Variants in SGCZ observed in about 807,000 individuals in gnomAD.
The protein encoded by SGCZ is zeta-sarcoglycan.
In SGCZ, 40 loss-of-function variants were observed where a neutral mutation model predicts 41.3. The ratio of observed to expected loss-of-function variants is 0.97; its 90% CI spans 0.75 to 1.26. The LOEUF is 1.26. Ranked by LOEUF, SGCZ falls within the 50% of genes most tolerant of loss-of-function variation. The pLI is 0.00. For synonymous variants in SGCZ, 206 were observed against 137.5 expected (o/e 1.50, Z -3.49); for missense variants, 552 against 369.8 (o/e 1.49, Z -4.04).
chr8:14,260,254 AAAAC>A (rs1234317181), intron 3 of SGCZ, among the ~76,000 whole-genome samples: 2 of 152,028 alleles, frequency 1.3e-5, no homozygotes, highest in African/African-American at 4.8e-5. Flanking sequence ...TTACAAGCAA[AAAAC>A]AAACAACCCC....
chr8:14,184,917 A>C (rs1804854399), intron 4 of SGCZ, among the ~76,000 whole-genome samples: 1 of 152,098 alleles, frequency 6.6e-6, no homozygotes, highest in Non-Finnish European at 1.5e-5. Context: ...GCACCACAAC[A>C]CTTATGATTG....
chr8:14,697,354 G>A (rs1320096390), intron 1 of SGCZ, among the ~76,000 whole-genome samples: 1 of 151,960 alleles, frequency 6.6e-6, no homozygotes, highest in East Asian at 1.9e-4. Context: ...TTAGATTGTT[G>A]AGGGGATTAA....
At chr8:14,185,465 T>A (rs552884735) in intron 4 of SGCZ, among the ~76,000 whole-genome samples, 1 of 152,252 alleles carries the variant, frequency 6.6e-6, no homozygotes, top group Admixed American at 6.5e-5. Context: ...ATTACTCAGC[T>A]TCAATTGATC....
intron 1 of SGCZ, among the ~76,000 whole-genome samples, chr8:14,772,841 G>C (rs1363630495): frequency 1.3e-5 from 2 of 151,972 alleles, no homozygotes; most frequent in South Asian, 2.1e-4. Context: ...TGGACATTTG[G>C]GTTGGTTCCA....
chr8:14,252,088 G>A lies in SGCZ; in HGVS notation c.337-14409C>T, dbSNP rs368433156. On this transcript the variant is annotated intron_variant, in intron 3 of 7. Transcript: ENST00000382080. ...TAGGGCCTCTTCTTCATTCTTTACAGTCTCCCCATATGGAATTCACATTAG... is the reference window on the plus strand; with the variant it reads ...TAGGGCCTCTTCTTCATTCTTTACAATCTCCCCATATGGAATTCACATTAG... Among the ~76,000 whole-genome samples, 9 of 152,102 alleles carry A rather than the reference G, an allele frequency of 5.9e-5. No homozygotes were observed. In the East Asian group the frequency reaches 9.7e-4, roughly 16 times the overall value.
intron 1 of SGCZ, among the ~76,000 whole-genome samples, chr8:14,559,191 T>A (rs890154435): frequency 6.6e-6 from 1 of 152,040 alleles, no homozygotes; most frequent in Admixed American, 6.6e-5. Context: ...AGTCAAACTG[T>A]CACTGTTTGC....
At chr8:14,385,026 A>G (rs1269252504) in intron 2 of SGCZ, among the ~76,000 whole-genome samples, 3 of 152,202 alleles carry the variant, frequency 2.0e-5, no homozygotes. Flanking sequence ...AATATATCCC[A>G]TAGTTTTCAT....
chr8:14,804,680 C>T (rs928381804), intron 1 of SGCZ, among the ~76,000 whole-genome samples: 4 of 135,034 alleles, frequency 3.0e-5, no homozygotes, highest in African/African-American at 1.1e-4. Flanking sequence ...GGAGAACTTC[C>T]CCAATCTAGC....
At chr8:14,635,357 T>G (rs1258297514) in intron 1 of SGCZ, among the ~76,000 whole-genome samples, 2 of 151,924 alleles carry the variant, frequency 1.3e-5, no homozygotes, top group African/African-American at 4.8e-5. Context: ...ATATTCTCAT[T>G]TTAGCAATGA....
At chr8:14,773,364 C>T (rs1175892594) in intron 1 of SGCZ, among the ~76,000 whole-genome samples, 1 of 152,168 alleles carries the variant, frequency 6.6e-6, no homozygotes, top group Non-Finnish European at 1.5e-5. Context: ...TATCTGACCA[C>T]TACAACCCAG....
At chr8:14,842,006 C>T (rs529447415) in intron 1 of SGCZ, among the ~76,000 whole-genome samples, 1 of 152,284 alleles carries the variant, frequency 6.6e-6, no homozygotes, top group South Asian at 2.1e-4. Context: ...GTGTGGACTT[C>T]ATTTTTATTC....
At chr8:14,458,972 C>T (rs1585542741) in intron 2 of SGCZ, among the ~76,000 whole-genome samples, 2 of 152,264 alleles carry the variant, frequency 1.3e-5, no homozygotes, top group East Asian at 1.9e-4. Context: ...GTCAAAAGGA[C>T]ATAGTGGCCA....
chr8:14,306,268 G>C (rs753678639), intron 3 of SGCZ, among the ~76,000 whole-genome samples: 1 of 152,012 alleles, frequency 6.6e-6, no homozygotes, highest in Non-Finnish European at 1.5e-5. Flanking sequence ...ATTATAGATG[G>C]ACATAAAGTA....
intron 2 of SGCZ, among the ~76,000 whole-genome samples, chr8:14,511,279 A>T (rs1802460936): frequency 6.6e-6 from 1 of 152,042 alleles, no homozygotes; most frequent in African/African-American, 2.4e-5. Context: ...TTATTTAATA[A>T]TAAAAATTGT....
chr8:14,170,182 C>T (rs1042877656), intron 4 of SGCZ, among the ~76,000 whole-genome samples: 15 of 148,102 alleles, frequency 1.0e-4, no homozygotes, highest in South Asian at 2.2e-4. Context: ...CACTGCATCT[C>T]CCCCCGCACC....
At chr8:15,101,491 C>T (rs1245998811) in intron 1 of SGCZ, among the ~76,000 whole-genome samples, 1 of 152,102 alleles carries the variant, frequency 6.6e-6, no homozygotes, top group African/African-American at 2.4e-5. Flanking sequence ...ATAAAATACT[C>T]CATAACAGAT....
chr8:15,217,856 G>A (rs1435957680), intron 1 of SGCZ, among the ~76,000 whole-genome samples: 1 of 152,188 alleles, frequency 6.6e-6, no homozygotes, highest in Non-Finnish European at 1.5e-5. Flanking sequence ...GGGAGGCTGA[G>A]TTGGACGGAT....
intron 1 of SGCZ, among the ~76,000 whole-genome samples, chr8:14,621,424 C>T (rs887352645): frequency 3.3e-5 from 5 of 150,858 alleles, no homozygotes; most frequent in Non-Finnish European, 7.4e-5. Context: ...TACCATAGAA[C>T]TTAAAGTATA....
intron 4 of SGCZ, among the ~76,000 whole-genome samples, chr8:14,177,452 A>G (rs1283312661): frequency 1.3e-5 from 2 of 152,162 alleles, no homozygotes. Flanking sequence ...CGGTTAACCT[A>G]CAAGTATAGA....
Sources: allele counts gnomAD v4.1 joint callset (sites outside exome capture counted in the v4.1 genomes callset), GRCh38; gene constraint gnomAD v4.1.1; transcripts MANE v1.5; gene names NCBI Gene and HGNC (gene_info 2026-07-23, HGNC 2026-07-21).